ANKRD30A: variants seen among roughly 807,000 people sequenced by gnomAD.
The protein encoded by ANKRD30A is ankyrin repeat domain-containing protein 30A.
ANKRD30A carries 170 observed loss-of-function variants against 166.3 expected under a neutral mutation model. The ratio of observed to expected loss-of-function variants is 1.02; its 90% CI spans 0.90 to 1.16. The LOEUF (loss-of-function observed/expected upper bound fraction) is 1.16. Among genes scored for constraint, ANKRD30A ranks in the 50% most tolerant of loss-of-function variants. ANKRD30A has a pLI of 0.00. For synonymous variants in ANKRD30A, 564 were observed against 508.9 expected (o/e 1.11, Z -1.46); for missense variants, 1,630 against 1,518.0 (o/e 1.07, Z -1.23).
At chr10:37,179,054 A>ATATATATG (rs1564529275) in intron 24 of ANKRD30A, among the ~76,000 whole-genome samples, 16 of 135,354 alleles carry the variant, frequency 1.2e-4, no homozygotes, top group African/African-American at 4.7e-4. Flanking sequence ...ATATATATAT[A>ATATATATG]TATATATATA....
Position 37,219,098 on chromosome 10 carries a change from A to G in ANKRD30A, c.3386A>G (p.Glu1129Gly). Residue 1129 changes from glutamate to glycine, a missense_variant, in exon 34 of 36, where the codon GAA becomes GGA. Physicochemically the swap from Glu to Gly is moderately conservative, Grantham distance 98. Coordinates refer to ENST00000361713, the MANE Select transcript of ANKRD30A (RefSeq NM_052997.3). ...CTGAAACACCAATACCAGGAAAAGG[A>G]AAATAAATACTTTGAGGACATTAAG... ...ATLKHQYQEK[E>G]NKYFEDIKIL... 1 of 1,609,518 alleles carries G rather than the reference A, an allele frequency of 6.2e-7. No individual in the cohort carries two copies. Among genetic ancestry groups the G allele is most frequent in the Non-Finnish European group, 8.5e-7 (1 of 1,176,944 alleles).
At chr10:37,231,022 G>C (rs1327895481) in intron 34 of ANKRD30A, among the ~76,000 whole-genome samples, 1 of 151,992 alleles carries the variant, frequency 6.6e-6, no homozygotes, top group Non-Finnish European at 1.5e-5. Flanking sequence ...ATGCTTAATG[G>C]ATCCCAAATA....
chr10:37,167,287 A>AAT (rs61480898), intron 19 of ANKRD30A, among the ~76,000 whole-genome samples: 55,269 of 126,558 alleles, frequency 0.44, 15,345 homozygotes, highest in Non-Finnish European at 0.49. Context: ...TGAGGCGTCA[A>AAT]ATATATATAT....
chr10:37,195,411 A>T (rs1236963057), intron 27 of ANKRD30A, among the ~76,000 whole-genome samples: 2 of 152,092 alleles, frequency 1.3e-5, no homozygotes, highest in African/African-American at 4.8e-5. Flanking sequence ...AGTTCAGTTT[A>T]TGGTCTCATT....
chr10:37,214,911 A>G (rs753311450), intron 31 of ANKRD30A, among the ~76,000 whole-genome samples: 1 of 150,994 alleles, frequency 6.6e-6, no homozygotes, highest in African/African-American at 2.4e-5. Flanking sequence ...CTGTTTGGAG[A>G]CTTATATATT....
At chr10:37,142,730 A>G (rs1454464419) in intron 7 of ANKRD30A, among the ~76,000 whole-genome samples, 2 of 151,882 alleles carry the variant, frequency 1.3e-5, no homozygotes, top group Non-Finnish European at 2.9e-5. Context: ...CTAGGATTAC[A>G]CGTGCCCACC....
intron 15 of ANKRD30A, among the ~76,000 whole-genome samples, chr10:37,161,714 CAA>C (rs1838890276): frequency 6.6e-6 from 1 of 152,024 alleles, no homozygotes; most frequent in Non-Finnish European, 1.5e-5. Flanking sequence ...TCAGGGAAGA[CAA>C]ATATATATTT....
chr10:37,261,619 C>A, the ANKRD30A span, among the ~76,000 whole-genome samples: 1 of 152,176 alleles, frequency 6.6e-6, no homozygotes, highest in South Asian at 2.1e-4. Flanking sequence ...AATTCCAATG[C>A]AGATCAAGTG....
At chr10:37,206,229 T>G (rs180951675) in intron 31 of ANKRD30A, among the ~76,000 whole-genome samples, 2 of 152,180 alleles carry the variant, frequency 1.3e-5, no homozygotes, top group Admixed American at 1.3e-4. Flanking sequence ...TGAACTTAAT[T>G]TTGAGGTTTC....
the ANKRD30A span, among the ~76,000 whole-genome samples, chr10:37,260,375 C>A: frequency 6.6e-6 from 1 of 152,162 alleles, no homozygotes; most frequent in Non-Finnish European, 1.5e-5. Flanking sequence ...TTCCACCTCT[C>A]CCCTAAGATT....
At position 37,219,160 on chromosome 10, in the gene ANKRD30A, C is replaced by A; in HGVS notation, c.3448C>A (p.Leu1150Ile). ...KEKNAELQMT[L>I]KLKEESLTKR... ...AAAGAATGCTGAACTTCAGATGACC[C>A]TAAAACTGAAAGAGGAATCATTAAC... Residue 1150 changes from leucine to isoleucine, a missense_variant, in exon 34 of 36, where the codon CTA becomes ATA. Transcript: ENST00000361713. 1 of 1,610,296 alleles carries A rather than the reference C, an allele frequency of 6.2e-7. No homozygotes were observed. Among genetic ancestry groups the A allele is most frequent in the South Asian group, 1.1e-5 (1 of 90,958 alleles).
rs146396936 is a variant in ANKRD30A, at chr10:37,151,818, C to T, written c.1646-242C>T. ...ATGACTGCTTTATGAAGAAATAATC[C>T]ATACAAGTTAATCAAATTTCTATTT... On this transcript the variant is annotated intron_variant, in intron 11 of 35. Transcript: ENST00000361713. Among the ~76,000 whole-genome samples the T allele has an allele frequency of 5.2e-3, 789 of 152,036 alleles. 12 individuals are homozygous for T. Among genetic ancestry groups the T allele is most frequent in the Admixed American group, 0.029 (447 of 15,274 alleles).
chr10:37,245,259 G>A, the ANKRD30A span, among the ~76,000 whole-genome samples: 1 of 151,956 alleles, frequency 6.6e-6, no homozygotes, highest in Admixed American at 6.6e-5. Context: ...CAGAAATAAA[G>A]TTGATATTTT....
At chr10:37,246,961 C>A in the ANKRD30A span, among the ~76,000 whole-genome samples, 1 of 152,164 alleles carries the variant, frequency 6.6e-6, no homozygotes, top group Non-Finnish European at 1.5e-5. Context: ...TGGCTCAGGC[C>A]TGTGATTTTA....
chr10:37,244,390 G>T, the ANKRD30A span, among the ~76,000 whole-genome samples: 1 of 152,158 alleles, frequency 6.6e-6, no homozygotes, highest in Non-Finnish European at 1.5e-5. Flanking sequence ...AGGACAAAAA[G>T]AAGAGTCCCT....
chr10:37,126,575 A>G (rs1214923884), intron 1 of ANKRD30A, among the ~76,000 whole-genome samples: 1 of 152,136 alleles, frequency 6.6e-6, no homozygotes, highest in African/African-American at 2.4e-5. Context: ...ATTTAAGAAG[A>G]CTCATTTTTC....
At chr10:37,201,740 C>T (rs1207417552) in intron 31 of ANKRD30A, among the ~76,000 whole-genome samples, 3 of 151,858 alleles carry the variant, frequency 2.0e-5, no homozygotes, top group Non-Finnish European at 4.4e-5. Context: ...TATAAAGTGA[C>T]CTTCTAGTAC....
At chr10:37,131,540 C>G (rs923801918) in intron 3 of ANKRD30A, among the ~76,000 whole-genome samples, 11 of 151,950 alleles carry the variant, frequency 7.2e-5, no homozygotes, top group African/African-American at 2.7e-4. Flanking sequence ...CCTTAGTGAC[C>G]CATGTAGAAC....
chr10:37,246,825 T>C, the ANKRD30A span, among the ~76,000 whole-genome samples: 11 of 152,180 alleles, frequency 7.2e-5, no homozygotes, highest in African/African-American at 2.7e-4. Flanking sequence ...TGTAGGATGC[T>C]TACCAGATCC....
Sources: gnomAD v4.1 joint callset for allele counts (sites outside exome capture counted in the v4.1 genomes callset) on GRCh38, gnomAD v4.1.1 for gene constraint, MANE v1.5 for transcripts, NCBI Gene and HGNC (gene_info 2026-07-23, HGNC 2026-07-21) for gene names.